Variants in ALK observed in about 807,000 individuals in gnomAD.
ALK encodes the protein ALK receptor tyrosine kinase.
ALK carries 74 observed loss-of-function variants against 163.1 expected under a neutral mutation model. That is an observed-to-expected ratio of 0.45 (90% confidence interval 0.38 to 0.55). The LOEUF is 0.55. Ranked by LOEUF, ALK falls within the 20% of genes least tolerant of loss-of-function variation. The probability of loss-of-function intolerance (pLI) is 0.00; values close to 1 mark genes in which losing one functional copy is unlikely to be tolerated. For synonymous variants in ALK, 960 were observed against 843.2 expected, an observed-to-expected ratio of 1.14 and a Z score of -2.40; for missense variants, 2,063 against 2,105.3, an observed-to-expected ratio of 0.98 and a Z score of 0.39.
intron 1 of ALK, among the ~76,000 whole-genome samples, chr2:29,727,475 C>A (rs961911121): frequency 1.3e-5 from 2 of 152,140 alleles, no homozygotes. Context: ...AGTGTTACTG[C>A]GTGACCTTGG....
intron 1 of ALK, among the ~76,000 whole-genome samples, chr2:29,854,354 T>C (rs1012799563): frequency 2.0e-5 from 3 of 152,194 alleles, no homozygotes; most frequent in African/African-American, 4.8e-5. Context: ...GAATCCCTCG[T>C]GTCTCACTGT....
Position 29,694,922 on chromosome 2 carries a change from G to C in ALK, c.880C>G (p.Pro294Ala). The C allele has an allele frequency of 6.2e-7, 1 of 1,614,128 alleles. No homozygotes were observed. Among genetic ancestry groups the C allele is most frequent in the Non-Finnish European group, 8.5e-7 (1 of 1,180,012 alleles). The change falls in exon 3 of 29, where the codon CCC (proline) becomes GCC (alanine). Residue 294 changes from proline to alanine, a missense_variant. Physicochemically the swap from Pro to Ala is conservative, Grantham distance 27. This residue lies in a region of ALK where 987 missense variants were observed against 939.5 expected (regional missense o/e 1.05). Coordinates refer to ENST00000389048, the MANE Select transcript of ALK (RefSeq NM_004304.5). The stretch of plus-strand genomic sequence containing the variant: ...TCCATCTGGGAGGCCTCCTCGGAGG[G>C]GATGCGGCGCCAGGACCAGCTCTGG... Reference protein sequence around the residue: ...RNQSWSWRRIPSEEASQMDLL... With the variant: ...RNQSWSWRRIASEEASQMDLL...
chr2:29,562,717 G>T (rs954833471), intron 3 of ALK, among the ~76,000 whole-genome samples: 1 of 152,168 alleles, frequency 6.6e-6, no homozygotes, highest in Non-Finnish European at 1.5e-5. Flanking sequence ...AGTGAATGTG[G>T]ACCCAATTTA....
At position 29,192,804 on chromosome 2, in the gene ALK, G is replaced by A. The variant is rs564085137; in HGVS notation, c.*420C>T. On this transcript the variant is annotated 3_prime_UTR_variant, in exon 29 of 29. Coordinates refer to ENST00000389048, the MANE Select transcript of ALK (RefSeq NM_004304.5). ...CATTACAAATAACTCCTTTATTTCCGTTCCCTCTCCCCTCAAATGGCTCAT... is the reference window on the plus strand; with the variant it reads ...CATTACAAATAACTCCTTTATTTCCATTCCCTCTCCCCTCAAATGGCTCAT... 3.6e-4 allele frequency: 102 copies of A among 286,776 alleles called. No homozygotes were observed. The South Asian group carries it at 3.7e-3, about 10-fold the overall frequency. The allele number at this position is 286,776 out of a possible 1,614,324, so 17.8% of individuals were successfully genotyped here. A position where few individuals can be genotyped will look rare whatever the true frequency, so the allele number is the denominator to read the frequency against.
intron 8 of ALK, among the ~76,000 whole-genome samples, chr2:29,297,879 T>C (rs1163623902): frequency 6.8e-6 from 1 of 146,208 alleles, no homozygotes; most frequent in Non-Finnish European, 1.5e-5. Context: ...CTATATCATA[T>C]CATTGCCTAA....
At chr2:29,311,316 T>C (rs1445350234) in intron 8 of ALK, among the ~76,000 whole-genome samples, 1 of 152,120 alleles carries the variant, frequency 6.6e-6, no homozygotes, top group African/African-American at 2.4e-5. Flanking sequence ...TGGGGAGGCC[T>C]TGGGGCTTCC....
chr2:29,326,900 A>C (rs896983255), intron 6 of ALK, among the ~76,000 whole-genome samples: 12 of 152,092 alleles, frequency 7.9e-5, no homozygotes, highest in African/African-American at 2.7e-4. Flanking sequence ...GAGGTGAGGC[A>C]TTTGCTCCGG....
At chr2:29,732,936 G>GATA (rs1679786186) in intron 1 of ALK, among the ~76,000 whole-genome samples, 1 of 151,624 alleles carries the variant, frequency 6.6e-6, no homozygotes, top group Non-Finnish European at 1.5e-5. Context: ...ATAGACTAAG[G>GATA]GAGACCCCAA....
At chr2:29,395,296 T>C (rs1379667444) in intron 4 of ALK, among the ~76,000 whole-genome samples, 1 of 152,230 alleles carries the variant, frequency 6.6e-6, no homozygotes, top group African/African-American at 2.4e-5. Flanking sequence ...AGGGTGAAAC[T>C]TGCCATAAAC....
At chr2:29,657,427 G>A (rs561613195) in intron 3 of ALK, among the ~76,000 whole-genome samples, 109 of 148,226 alleles carry the variant, frequency 7.4e-4, no homozygotes, top group African/African-American at 2.8e-3. Context: ...GACTAAAGAT[G>A]TCTCTGAAAC....
At chr2:29,499,018 G>T (rs928950477) in intron 4 of ALK, among the ~76,000 whole-genome samples, 1 of 152,280 alleles carries the variant, frequency 6.6e-6, no homozygotes, top group East Asian at 1.9e-4. Context: ...AAAAGAAAAG[G>T]CTTGTTAGTT....
At chr2:29,237,561 A>T (rs1203837954) in intron 13 of ALK, among the ~76,000 whole-genome samples, 2 of 152,074 alleles carry the variant, frequency 1.3e-5, no homozygotes, top group Admixed American at 6.6e-5. Context: ...CCTCAGATGT[A>T]AGTTCCTTGA....
At chr2:29,280,539 G>T (rs1399182946) in intron 9 of ALK, among the ~76,000 whole-genome samples, 1 of 151,206 alleles carries the variant, frequency 6.6e-6, no homozygotes, top group Non-Finnish European at 1.5e-5. Flanking sequence ...AACACTGTGG[G>T]ACTGAGGGGA....
At chr2:29,610,069 A>C (rs1675648840) in intron 3 of ALK, among the ~76,000 whole-genome samples, 1 of 152,218 alleles carries the variant, frequency 6.6e-6, no homozygotes, top group Non-Finnish European at 1.5e-5. Flanking sequence ...CTTAATTATC[A>C]GGTCTTCCAG....
At chr2:29,745,797 A>T (rs1166331304) in intron 1 of ALK, among the ~76,000 whole-genome samples, 1 of 152,170 alleles carries the variant, frequency 6.6e-6, no homozygotes, top group African/African-American at 2.4e-5. Flanking sequence ...CTGCTACCAT[A>T]GTGCCTGGCA....
In ALK at chr2:29,253,142, A is replaced by G. The variant is rs376785275; in HGVS notation, c.2042-1875T>C. ...CAAAATACTGGGATTATGGGCATGA[A>G]TTACCATGCCCATCCTCTATTTTTA... On this transcript the variant is annotated intron_variant, in intron 11 of 28. Coordinates refer to ENST00000389048, the MANE Select transcript of ALK (RefSeq NM_004304.5). 4.6e-5 allele frequency among the ~76,000 whole-genome samples: 7 copies of G among 152,234 alleles called. No homozygotes were observed. The East Asian group carries it at 1.4e-3, about 29-fold the overall frequency.
chr2:29,205,298 A>G (rs984153879), intron 26 of ALK, among the ~76,000 whole-genome samples: 9 of 151,964 alleles, frequency 5.9e-5, no homozygotes, highest in African/African-American at 2.2e-4. Context: ...CTGTCTGTTC[A>G]TATTTTAAGA....
intron 1 of ALK, among the ~76,000 whole-genome samples, chr2:29,740,970 C>A (rs1680042428): frequency 6.6e-6 from 1 of 151,972 alleles, no homozygotes; most frequent in Non-Finnish European, 1.5e-5. Context: ...CCACTGCATG[C>A]CAGCCCGGGT....
At chr2:29,501,241 C>T (rs1325173845) in intron 4 of ALK, among the ~76,000 whole-genome samples, 1 of 152,172 alleles carries the variant, frequency 6.6e-6, no homozygotes, top group African/African-American at 2.4e-5. Flanking sequence ...CATCATTCCC[C>T]TTCCTTCACT....
Sources: allele counts gnomAD v4.1 joint callset (sites outside exome capture counted in the v4.1 genomes callset), GRCh38; gene constraint gnomAD v4.1.1; regional missense constraint gnomAD v4.1.1; transcripts MANE v1.5; gene names NCBI Gene and HGNC (gene_info 2026-07-23, HGNC 2026-07-21).